Variants in SNTB1 observed in about 807,000 individuals in gnomAD.
The protein encoded by SNTB1 is syntrophin beta 1, also known as beta-1-syntrophin.
SNTB1 carries 36 observed loss-of-function variants against 48.9 expected under a neutral mutation model. That is an observed-to-expected ratio of 0.74 (90% CI 0.56 to 0.97). The LOEUF (loss-of-function observed/expected upper bound fraction) is 0.97, where lower values mean the gene tolerates loss of function less well. Among genes scored for constraint, SNTB1 ranks in the 50% least tolerant of loss-of-function variants. The pLI, the probability that SNTB1 is intolerant of heterozygous loss-of-function variation, is 0.00. For missense variants in SNTB1, 786 were observed against 703.4 expected (o/e 1.12, Z -1.33); for synonymous variants, 299 against 294.6 (o/e 1.01, Z -0.15).
At chr8:120,573,854 A>T (rs1440274050) in intron 4 of SNTB1, among the ~76,000 whole-genome samples, 1 of 152,076 alleles carries the variant, frequency 6.6e-6, no homozygotes. Context: ...GGGTGAATTT[A>T]TTTTTGGGCT....
At chr8:120,705,606 A>C (rs1818367413) in intron 1 of SNTB1, among the ~76,000 whole-genome samples, 1 of 152,210 alleles carries the variant, frequency 6.6e-6, no homozygotes, top group Admixed American at 6.5e-5. Flanking sequence ...CATTGCAGAA[A>C]ATAATTCTAC....
intron 1 of SNTB1, among the ~76,000 whole-genome samples, chr8:120,800,290 T>C (rs1056727668): frequency 6.6e-6 from 1 of 152,012 alleles, no homozygotes; most frequent in Non-Finnish European, 1.5e-5. Context: ...TAAAAGGTTA[T>C]TAAAAGAGAA....
chr8:120,649,891 C>T lies in SNTB1; in HGVS notation c.789-17240G>A, dbSNP rs1420544845. Among the ~76,000 whole-genome samples the T allele has an allele frequency of 9.9e-5, 15 of 152,048 alleles. No individual in the cohort carries two copies. In the South Asian group the frequency reaches 2.7e-3, roughly 27 times the overall value. ...GTGGTGTGCCATTTTTTAAGCCCCTCGGAAAAGCGCAGTATTCGGGTGGGA... is the reference window on the plus strand; with the variant it reads ...GTGGTGTGCCATTTTTTAAGCCCCTTGGAAAAGCGCAGTATTCGGGTGGGA... On this transcript the variant is annotated intron_variant, in intron 2 of 6. Transcript: ENST00000517992.
At chr8:120,760,941 A>G (rs1303979312) in intron 1 of SNTB1, among the ~76,000 whole-genome samples, 6 of 152,222 alleles carry the variant, frequency 3.9e-5, no homozygotes, top group Non-Finnish European at 4.4e-5. Context: ...TCAAAAGACA[A>G]ATAGGAAACA....
intron 1 of SNTB1, among the ~76,000 whole-genome samples, chr8:120,696,910 G>T (rs1472374612): frequency 6.6e-6 from 1 of 152,198 alleles, no homozygotes; most frequent in African/African-American, 2.4e-5. Context: ...TATTCTACAG[G>T]CAGTAGTGAT....
intron 4 of SNTB1, among the ~76,000 whole-genome samples, chr8:120,551,254 CAAAA>C (rs11304538): frequency 7.4e-5 from 6 of 80,654 alleles, no homozygotes; most frequent in Admixed American, 2.9e-4. Context: ...GACTCCATCT[CAAAA>C]AAAAAAAAAA....
intron 1 of SNTB1, among the ~76,000 whole-genome samples, chr8:120,797,819 A>T (rs899678273): frequency 3.9e-5 from 6 of 151,938 alleles, no homozygotes; most frequent in African/African-American, 1.2e-4. Flanking sequence ...CATCATTGCT[A>T]TTCTTATGTT....
intron 4 of SNTB1, among the ~76,000 whole-genome samples, chr8:120,564,563 G>GTT (rs1243511893): frequency 2.8e-5 from 1 of 36,236 alleles, no homozygotes; most frequent in East Asian, 6.6e-4. Context: ...CTATTATTCT[G>GTT]GTTTTTTTTT....
intron 1 of SNTB1, chr8:120,765,676 A>T (rs946522535): frequency 6.6e-6 from 1 of 152,208 alleles, no homozygotes; most frequent in African/African-American, 2.4e-5. Context: ...ATTTATGAGG[A>T]TGAAGCCCTC....
chr8:120,546,340 A>G (rs1815380284), intron 5 of SNTB1, among the ~76,000 whole-genome samples: 1 of 152,226 alleles, frequency 6.6e-6, no homozygotes, highest in African/African-American at 2.4e-5. Context: ...TGTTAATTGT[A>G]TAGTTTCCTG....
intron 1 of SNTB1, among the ~76,000 whole-genome samples, chr8:120,799,643 G>A (rs1162627609): frequency 6.6e-6 from 1 of 151,944 alleles, no homozygotes; most frequent in Non-Finnish European, 1.5e-5. Flanking sequence ...CAGTTTATTA[G>A]TGGGTCAATA....
chr8:120,543,022 G>A (rs1815318456), intron 5 of SNTB1, among the ~76,000 whole-genome samples: 1 of 152,068 alleles, frequency 6.6e-6, no homozygotes, highest in South Asian at 2.1e-4. Flanking sequence ...TATCCACATG[G>A]TGCCCTCCCA....
chr8:120,810,756 C>T (rs1820410598), intron 1 of SNTB1, among the ~76,000 whole-genome samples: 1 of 152,160 alleles, frequency 6.6e-6, no homozygotes, highest in Non-Finnish European at 1.5e-5. Context: ...CCACCTCTCT[C>T]TCACCCCTTT....
chr8:120,732,001 C>G (rs1818860603), intron 1 of SNTB1, among the ~76,000 whole-genome samples: 2 of 152,142 alleles, frequency 1.3e-5, no homozygotes, highest in South Asian at 4.1e-4. Flanking sequence ...CTGGAGCTTC[C>G]TTTGAAAGCC....
intron 1 of SNTB1, among the ~76,000 whole-genome samples, chr8:120,707,087 C>T (rs1818390196): frequency 6.6e-6 from 1 of 152,152 alleles, no homozygotes; most frequent in Admixed American, 6.5e-5. Context: ...TTTGAAAGTG[C>T]TTTATAGCAC....
At chr8:120,710,116 G>T (rs1818439762) in intron 1 of SNTB1, among the ~76,000 whole-genome samples, 1 of 152,100 alleles carries the variant, frequency 6.6e-6, no homozygotes. Context: ...CAAGCAAAAG[G>T]GCAAAAGGCA....
chr8:120,669,443 GTT>G (rs1182227923), intron 2 of SNTB1, among the ~76,000 whole-genome samples: 4 of 82,328 alleles, frequency 4.9e-5, no homozygotes, highest in Non-Finnish European at 6.2e-5. Flanking sequence ...GAAAATGCTT[GTT>G]TTTTTTTTTT....
At chr8:120,647,794 G>A (rs1217109241) in intron 2 of SNTB1, among the ~76,000 whole-genome samples, 29 of 38,074 alleles carry the variant, frequency 7.6e-4, no homozygotes, top group Non-Finnish European at 1.3e-3. Flanking sequence ...TTAATGTGTG[G>A]GAGTCTAAGT....
At chr8:120,705,817 T>G (rs2129903348) in intron 1 of SNTB1, among the ~76,000 whole-genome samples, 1 of 152,356 alleles carries the variant, frequency 6.6e-6, no homozygotes, top group South Asian at 2.1e-4. Flanking sequence ...AGTGTGACAA[T>G]GAGACAATCT....
Sources: allele counts gnomAD v4.1 joint callset (sites outside exome capture counted in the v4.1 genomes callset), GRCh38; gene constraint gnomAD v4.1.1; transcripts MANE v1.5; gene names NCBI Gene and HGNC (gene_info 2026-07-23, HGNC 2026-07-21).